Variants in FBN3 observed in about 807,000 individuals in gnomAD.
FBN3 encodes fibrillin 3, also known as fibrillin-3.
FBN3 carries 234 observed loss-of-function variants against 330.1 expected under a neutral mutation model. The observed-to-expected ratio is 0.71, with a 90% CI of 0.64 to 0.79. FBN3 has a LOEUF of 0.79. Among genes scored for constraint, FBN3 ranks in the 30% least tolerant of loss-of-function variants. The probability of loss-of-function intolerance (pLI) is 0.00; values close to 1 mark genes in which losing one functional copy is unlikely to be tolerated. For synonymous variants in FBN3, 1,458 were observed against 1,517.3 expected (o/e 0.96, Z 0.91); for missense variants, 3,606 against 3,886.9 (o/e 0.93, Z 1.92).
chr19:8,070,556 C>T (rs116070777), intron 63 of FBN3, among the ~76,000 whole-genome samples: 64 of 152,244 alleles, frequency 4.2e-4, no homozygotes, highest in African/African-American at 1.4e-3. Context: ...GTGATGGCTT[C>T]GGAAGACAGA....
Position 8,065,984 on chromosome 19 carries a change from G to T in FBN3, c.8365C>A (p.Pro2789Thr). 1 of 1,612,218 alleles carries T rather than the reference G, an allele frequency of 6.2e-7. No individual in the cohort carries two copies. The highest frequency in any genetic ancestry group is 8.5e-7 in the Non-Finnish European group (1 of 1,179,382). ...CCCCATGGCCCTGGCTGCCCCTCTG[G>T]CTGGACACCCCAGGGTCCTGCCATG... is the stretch of plus-strand genomic sequence containing the variant. Reference protein sequence around the residue: ...SHMAGPWGVQPEGQPGPWGQA... With the variant: ...SHMAGPWGVQTEGQPGPWGQA... Residue 2789 changes from proline (P) to threonine (T), a missense_variant, in exon 64 of 64, where the codon CCA (proline) becomes ACA (threonine). Pro to Thr is a conservative substitution (Grantham distance 38, BLOSUM62 -1). Coordinates refer to ENST00000600128, the MANE Select transcript of FBN3 (RefSeq NM_032447.5).
At chr19:8,135,936 G>GGGGACCCCCCCCCCCC in intron 13 of FBN3, 25 bp downstream of exon 13, 1 of 668,778 alleles carries the variant, frequency 1.5e-6, no homozygotes, top group South Asian at 1.6e-5. Context: ...GGAAGCCCCT[G>GGGGACCCCCCCCCCCC]CCCACCCGCC....
Position 8,075,086 on chromosome 19 carries a change from A to G in FBN3, c.7687T>C (p.Trp2563Arg), listed in dbSNP as rs780779632. 1.2e-6 allele frequency: 2 copies of G among 1,602,732 alleles called. No homozygotes were observed. Among genetic ancestry groups the G allele is most frequent in the South Asian group, 2.2e-5 (2 of 89,620 alleles). The change falls in exon 61 of 64, where the codon TGG becomes CGG. Residue 2563 changes from tryptophan to arginine, a missense_variant. By Grantham distance (101) the Trp-to-Arg change is moderately radical (BLOSUM62 -3). Transcript: ENST00000600128. Reference protein sequence around the residue: ...CPQGFTQHSQWAQCVDENECA... With the variant: ...CPQGFTQHSQRAQCVDENECA... ...TTTCACTCACCCACACACTGGGCCCACTGGGAGTGCTGGGTGAAACCCTGG... is the reference window on the plus strand; with the variant it reads ...TTTCACTCACCCACACACTGGGCCCGCTGGGAGTGCTGGGTGAAACCCTGG...
At position 8,121,423 on chromosome 19, in the gene FBN3, T is replaced by A. The variant is rs1226081630; in HGVS notation, c.3083-37A>T. 2.6e-6 allele frequency: 4 copies of A among 1,550,844 alleles called. No individual in the cohort carries two copies. The African/African-American group carries it at 5.4e-5, about 21-fold the overall frequency. On this transcript the variant is annotated intron_variant, in intron 24 of 63. Coordinates refer to ENST00000600128, the MANE Select transcript of FBN3 (RefSeq NM_032447.5). This position sits in a 1 kb window ranked among gnomAD's most constrained non-coding sequence, Gnocchi z 4.5. ...GGGGGCAGAGGCCGGAGGCGCCATG[T>A]GGGCCGCATCATGGGGCACGAGGCA...
chr19:8,118,646 C>T (rs1422462078), intron 26 of FBN3, among the ~76,000 whole-genome samples: 1 of 152,114 alleles, frequency 6.6e-6, no homozygotes, highest in Admixed American at 6.6e-5. Flanking sequence ...CAAACGCTTG[C>T]CCTTGTACAG....
chr19:8,107,474 A>AGGAT (rs150449542), intron 37 of FBN3, among the ~76,000 whole-genome samples: 33,519 of 142,940 alleles, frequency 0.23, 4,623 homozygotes, highest in East Asian at 0.46. Flanking sequence ...GTCGAGTGGA[A>AGGAT]GGATGGATGG....
At chr19:8,111,471 G>A (rs1396155327) in intron 32 of FBN3, among the ~76,000 whole-genome samples, 177 bp downstream of exon 32, 3 of 152,068 alleles carry the variant, frequency 2.0e-5, no homozygotes, top group Admixed American at 1.3e-4. Context: ...AGTGTTCAAG[G>A]GAGCCGTGGG....
intron 18 of FBN3, among the ~76,000 whole-genome samples, chr19:8,127,341 G>A (rs979590855): frequency 6.6e-6 from 1 of 152,150 alleles, no homozygotes; most frequent in African/African-American, 2.4e-5. Flanking sequence ...GATTATAGGC[G>A]TGAGTCACTG....
In FBN3 at chr19:8,084,446, C is replaced by T. The variant is rs532316348; in HGVS notation, c.7087+917G>A. 9.2e-5 allele frequency among the ~76,000 whole-genome samples: 14 copies of T among 151,732 alleles called. 1 individual carries two copies. In the South Asian group the frequency reaches 1.3e-3, roughly 14 times the overall value. ...CAGCATTTTGGGAGGCTGAGGTGGGCGGATCACTTGAGGCCAGGAGTTCGA... is the reference window on the plus strand; with the variant it reads ...CAGCATTTTGGGAGGCTGAGGTGGGTGGATCACTTGAGGCCAGGAGTTCGA... On this transcript the variant is annotated intron_variant, in intron 56 of 63. Coordinates refer to ENST00000600128, the MANE Select transcript of FBN3 (RefSeq NM_032447.5).
Position 8,141,925 on chromosome 19 carries a change from G to T in FBN3, c.739+15C>A, listed in dbSNP as rs778739083. The T allele has an allele frequency of 1.2e-6, 2 of 1,614,110 alleles. No homozygotes were observed. The highest frequency in any genetic ancestry group is 2.2e-5 in the South Asian group (2 of 91,078). On this transcript the variant is annotated intron_variant, in intron 7 of 63. Coordinates refer to ENST00000600128, the MANE Select transcript of FBN3 (RefSeq NM_032447.5). ...CAGCTAAGGCCTCCCACTCAGCCCT[G>T]ACCCCACTATTCACCTTGGCAGGCC... is the stretch of plus-strand genomic sequence containing the variant.
chr19:8,147,647 C>T lies in FBN3; in HGVS notation c.-17-150G>A, dbSNP rs577415655. 6 of 542,398 alleles carry T rather than the reference C, an allele frequency of 1.1e-5. No homozygotes were observed. In the East Asian group the frequency reaches 1.3e-4, roughly 12 times the overall value. 33.6% of individuals were successfully genotyped at this position (542,398 alleles called of 1,614,324 possible). On this transcript the variant is annotated intron_variant, in intron 1 of 63. Coordinates refer to ENST00000600128, the MANE Select transcript of FBN3 (RefSeq NM_032447.5). ...GAGGCATCCAGCCCCAACCGGGAAG[C>T]GGTGAACAGTCAGAGGAGGCTTCCT...
At chr19:8,111,508 G>C in intron 32 of FBN3, 140 bp downstream of exon 32, 1 of 985,716 alleles carries the variant, frequency 1.0e-6, no homozygotes, top group South Asian at 1.6e-5. Context: ...CTGGGCCGAG[G>C]ACACAGCCTC....
rs1053695410 is a variant in FBN3 at position 8,126,889 on chromosome 19, C to T, written c.2297-57G>A. ...CTGCAGGAGGAGTTGCCTTACCTGG[C>T]CAGGACCCCTCCTCCCCAAGGGGCC... On this transcript the variant is annotated intron_variant, in intron 18 of 63. Coordinates refer to ENST00000600128, the MANE Select transcript of FBN3 (RefSeq NM_032447.5). 2.1e-5 allele frequency: 31 copies of T among 1,504,192 alleles called. No individual in the cohort carries two copies. In the African/African-American group the frequency reaches 4.1e-4, roughly 20 times the overall value. 93.2% of individuals were successfully genotyped at this position (1,504,192 alleles called of 1,614,324 possible).
At chr19:8,110,711 C>T (rs12981571) in intron 34 of FBN3, 134 bp downstream of exon 34, 134,436 of 1,194,240 alleles carry the variant, frequency 0.11, 8,066 homozygotes, top group East Asian at 0.2. Flanking sequence ...TCAGGCAAGG[C>T]GCCCCCCACC....
intron 47 of FBN3, among the ~76,000 whole-genome samples, chr19:8,092,411 C>T (rs1232629546): frequency 6.6e-6 from 1 of 151,900 alleles, no homozygotes; most frequent in Non-Finnish European, 1.5e-5. Context: ...TGGAATACTA[C>T]TCAGCCACAA....
chr19:8,130,609 A>AAGGAAGGAAGGAAGGAAGGAAGG (rs2083108784), intron 16 of FBN3, among the ~76,000 whole-genome samples: 1 of 11,920 alleles, frequency 8.4e-5, no homozygotes, highest in Non-Finnish European at 1.8e-4. Flanking sequence ...AGAAAGAAAG[A>AAGGAAGGAAGGAAGGAAGGAAGG]AAGAAAGAAA....
At chr19:8,084,386 A>G (rs956635342) in intron 56 of FBN3, among the ~76,000 whole-genome samples, 7 of 151,388 alleles carry the variant, frequency 4.6e-5, no homozygotes, top group Admixed American at 3.3e-4. Flanking sequence ...AAGAACACAC[A>G]CTGGGCCGGG....
At chr19:8,146,947 C>T (rs1599460133) in intron 3 of FBN3, among the ~76,000 whole-genome samples, 157 bp downstream of exon 3, 1 of 152,290 alleles carries the variant, frequency 6.6e-6, no homozygotes, top group Admixed American at 6.5e-5. Flanking sequence ...GGCAGGTTGG[C>T]CTGGAACCCT....
At chr19:8,112,703 C>T (rs1412898822) in intron 30 of FBN3, among the ~76,000 whole-genome samples, 2 of 152,118 alleles carry the variant, frequency 1.3e-5, no homozygotes, top group East Asian at 3.9e-4. Flanking sequence ...TGAACACGCC[C>T]CTTTTCCAAG....
Sources: gnomAD v4.1 joint callset for allele counts (sites outside exome capture counted in the v4.1 genomes callset) on GRCh38, gnomAD v4.1.1 for gene constraint, Gnocchi (gnomAD v3.1) non-coding constraint, MANE v1.5 for transcripts, NCBI Gene and HGNC (gene_info 2026-07-23, HGNC 2026-07-21) for gene names.